The following SRGAP3 variants were observed in gnomAD, a reference collection of about 807,000 sequenced individuals.
SRGAP3 encodes SLIT-ROBO Rho GTPase activating protein 3, also known as SLIT-ROBO Rho GTPase-activating protein 3.
A neutral mutation model predicts 121.1 loss-of-function variants in SRGAP3; 39 were observed. The observed-to-expected ratio is 0.32, with a 90% CI of 0.25 to 0.42. The LOEUF (loss-of-function observed/expected upper bound fraction) is 0.42, where lower values mean the gene tolerates loss of function less well. SRGAP3 is among the 10% of genes least tolerant of loss of function. SRGAP3 has a pLI of 1.00. For synonymous variants in SRGAP3, 601 were observed against 570.0 expected, an observed-to-expected ratio of 1.05 and a Z score of -0.77; for missense variants, 1,213 against 1,470.6, an observed-to-expected ratio of 0.82 and a Z score of 2.86.
intron 1 of SRGAP3, among the ~76,000 whole-genome samples, chr3:9,200,821 G>T (rs1348747149): frequency 6.6e-6 from 1 of 152,166 alleles, no homozygotes; most frequent in African/African-American, 2.4e-5. Context: ...CCCGTGGTGG[G>T]GCCCAGCAAT....
chr3:9,308,699 A>G (rs923393175), intron 3 of SRGAP3, among the ~76,000 whole-genome samples: 5 of 152,188 alleles, frequency 3.3e-5, no homozygotes, highest in African/African-American at 1.2e-4. Flanking sequence ...GACACCAAGT[A>G]TTTCTATAAA....
At chr3:9,232,301 A>C (rs1198621789) in intron 1 of SRGAP3, among the ~76,000 whole-genome samples, 1 of 152,202 alleles carries the variant, frequency 6.6e-6, no homozygotes, top group Non-Finnish European at 1.5e-5. Flanking sequence ...GTGGAATTTT[A>C]AATCAGAAAA....
At chr3:8,989,446 C>T (rs952460604) in intron 21 of SRGAP3, among the ~76,000 whole-genome samples, 5 of 152,234 alleles carry the variant, frequency 3.3e-5, no homozygotes, top group Non-Finnish European at 5.9e-5. Context: ...TCCCTGGGAA[C>T]CCTGCCTGGC....
At chr3:9,356,183 C>A (rs1418230135) in intron 1 of SRGAP3, among the ~76,000 whole-genome samples, 1 of 136,762 alleles carries the variant, frequency 7.3e-6, no homozygotes, top group African/African-American at 2.9e-5. Flanking sequence ...GTTTATGGGA[C>A]TTTTTTTTCT....
At chr3:9,271,609 G>T (rs1238111421) in intron 3 of SRGAP3, among the ~76,000 whole-genome samples, 1 of 151,970 alleles carries the variant, frequency 6.6e-6, no homozygotes, top group Non-Finnish European at 1.5e-5. Flanking sequence ...TTGCTGAGAG[G>T]TGTCTCATAA....
chr3:9,056,840 G>A (rs193082905), intron 7 of SRGAP3, among the ~76,000 whole-genome samples: 21 of 152,252 alleles, frequency 1.4e-4, no homozygotes, highest in Non-Finnish European at 1.9e-4. Flanking sequence ...TGACTGGGCC[G>A]AGGGCTGGAG....
chr3:9,295,404 C>T (rs1299571617), intron 3 of SRGAP3, among the ~76,000 whole-genome samples: 1 of 152,126 alleles, frequency 6.6e-6, no homozygotes, highest in African/African-American at 2.4e-5. Context: ...GAAAACCTAC[C>T]ATATCTCTAC....
intron 13 of SRGAP3, 65 bp from the exon 14 acceptor site, chr3:9,025,403 C>G: frequency 1.3e-6 from 2 of 1,516,330 alleles, no homozygotes; most frequent in Non-Finnish European, 1.8e-6. Flanking sequence ...ATTAGACTAC[C>G]GGGAATATCA....
intron 3 of SRGAP3, among the ~76,000 whole-genome samples, chr3:9,324,879 C>A (rs1955492270): frequency 6.6e-6 from 1 of 151,644 alleles, no homozygotes; most frequent in Non-Finnish European, 1.5e-5. Flanking sequence ...ATGGCATGAA[C>A]CCGGGAGGCG....
upstream of SRGAP3, among the ~76,000 whole-genome samples, chr3:9,250,686 C>G (rs1257054248): frequency 6.6e-6 from 1 of 152,056 alleles, no homozygotes; most frequent in South Asian, 2.1e-4. Flanking sequence ...TTTTATATCC[C>G]CCAACAACCT....
intron 1 of SRGAP3, among the ~76,000 whole-genome samples, chr3:9,226,070 TA>T (rs929303198): frequency 2.0e-4 from 31 of 151,718 alleles, no homozygotes; most frequent in African/African-American, 6.8e-4. Context: ...AGTTCAGCTT[TA>T]AAAAAAAATT....
intron 3 of SRGAP3, among the ~76,000 whole-genome samples, chr3:9,088,718 C>T (rs532162955): frequency 1.3e-5 from 2 of 152,156 alleles, no homozygotes; most frequent in Non-Finnish European, 2.9e-5. Flanking sequence ...TTTTGTTTGG[C>T]CATTCAGTGC....
intron 1 of SRGAP3, chr3:9,194,306 T>C (rs1467056522): frequency 2.6e-5 from 4 of 152,020 alleles, no homozygotes; most frequent in Admixed American, 6.6e-5. Flanking sequence ...ACTGGACAAG[T>C]AATTTCATAT....
intron 1 of SRGAP3, among the ~76,000 whole-genome samples, chr3:9,132,845 T>C (rs1198338707): frequency 1.9e-5 from 2 of 107,966 alleles, no homozygotes; most frequent in Non-Finnish European, 4.8e-5. Flanking sequence ...ATAGGAAATA[T>C]AGGGTTTTTT....
rs59465338 is a variant in SRGAP3, at chr3:9,008,442, G to GGAGA, written c.2227+1862_2227+1865dup. On this transcript the variant is annotated intron_variant, in intron 18 of 21. Coordinates refer to ENST00000383836, the MANE Select transcript of SRGAP3 (RefSeq NM_014850.4). ...CAAAGGAGAGGAAATGACAGGAGTAGGAGAGAGAGAGAGAGAGAGAGCAAG... is the reference window on the plus strand; with the variant it reads ...CAAAGGAGAGGAAATGACAGGAGTAGGAGAGAGAGAGAGAGAGAGAGAGAGCAAG... The GGAGA allele has an allele frequency of 3.2e-3, 476 of 149,800 alleles. 2 individuals carry two copies. The highest frequency in any genetic ancestry group is 9.0e-3 in the African/African-American group (367 of 40,634). 9.3% of individuals were successfully genotyped at this position (149,800 alleles called of 1,614,324 possible).
At chr3:9,298,718 C>A (rs980141504) in intron 3 of SRGAP3, among the ~76,000 whole-genome samples, 4 of 152,052 alleles carry the variant, frequency 2.6e-5, no homozygotes, top group African/African-American at 4.8e-5. Flanking sequence ...AGGGAAAGAC[C>A]TAGAAGGATT....
At chr3:9,260,292 G>C (rs914951072) in intron 3 of SRGAP3, among the ~76,000 whole-genome samples, 2 of 152,140 alleles carry the variant, frequency 1.3e-5, no homozygotes, top group Non-Finnish European at 2.9e-5. Flanking sequence ...GAATGCCAGA[G>C]AGATAGAACC....
chr3:9,332,173 T>G (rs1488310419), intron 1 of SRGAP3, among the ~76,000 whole-genome samples: 1 of 152,134 alleles, frequency 6.6e-6, no homozygotes, highest in Non-Finnish European at 1.5e-5. Flanking sequence ...CAGGCTGGAG[T>G]GCAGTGGTGC....
intron 1 of SRGAP3, among the ~76,000 whole-genome samples, chr3:9,158,423 G>A (rs964405036): frequency 2.0e-5 from 3 of 152,176 alleles, no homozygotes; most frequent in African/African-American, 7.2e-5. Context: ...CCTTTCAGCT[G>A]TCACCAGTGG....
Sources: gnomAD v4.1 joint callset for allele counts (sites outside exome capture counted in the v4.1 genomes callset) on GRCh38, gnomAD v4.1.1 for gene constraint, MANE v1.5 for transcripts, NCBI Gene and HGNC (gene_info 2026-07-23, HGNC 2026-07-21) for gene names.